The following ADCY8 variants were observed in gnomAD, a reference collection of about 807,000 sequenced individuals.
ADCY8 encodes the protein adenylate cyclase type 8.
ADCY8 carries 51 observed loss-of-function variants against 119.7 expected under a neutral mutation model. That is an observed-to-expected ratio of 0.43 (90% confidence interval 0.34 to 0.54). The LOEUF (loss-of-function observed/expected upper bound fraction) is 0.54. Ranked by LOEUF, ADCY8 falls within the 20% of genes least tolerant of loss-of-function variation. ADCY8 has a pLI of 0.03. For missense variants in ADCY8, 1,383 were observed against 1,598.8 expected, an observed-to-expected ratio of 0.87 and a Z score of 2.30; for synonymous variants, 665 against 651.0, an observed-to-expected ratio of 1.02 and a Z score of -0.33.
At chr8:130,803,649 A>G (rs1386183047) in intron 14 of ADCY8, among the ~76,000 whole-genome samples, 4 of 152,204 alleles carry the variant, frequency 2.6e-5, no homozygotes, top group Non-Finnish European at 5.9e-5. Context: ...AAGTCATATG[A>G]TAATTATTCC....
chr8:130,943,326 G>A (rs752985828), intron 4 of ADCY8, 25 bp downstream of exon 4: 23 of 1,534,734 alleles, frequency 1.5e-5, no homozygotes, highest in East Asian at 2.2e-5. Context: ...TGCAAAAGAC[G>A]AGGAGGAAAT....
intron 15 of ADCY8, among the ~76,000 whole-genome samples, chr8:130,788,664 C>T (rs922770272): frequency 4.6e-5 from 7 of 151,884 alleles, no homozygotes; most frequent in Admixed American, 3.3e-4. Flanking sequence ...GATAAATATT[C>T]GAGGTAATGA....
At chr8:130,915,015 C>A (rs1026167224) in intron 5 of ADCY8, among the ~76,000 whole-genome samples, 2 of 152,214 alleles carry the variant, frequency 1.3e-5, no homozygotes, top group African/African-American at 4.8e-5. Context: ...TGCCTTAGGA[C>A]CTCCTAGTTG....
chr8:130,844,508 C>T (rs1001122205), intron 11 of ADCY8, among the ~76,000 whole-genome samples: 5 of 152,144 alleles, frequency 3.3e-5, no homozygotes, highest in African/African-American at 1.2e-4. Flanking sequence ...GTCAGGTATA[C>T]ATTTGAAGAA....
At chr8:130,934,427 CA>C (rs1276883819) in intron 5 of ADCY8, among the ~76,000 whole-genome samples, 1 of 152,082 alleles carries the variant, frequency 6.6e-6, no homozygotes, top group Non-Finnish European at 1.5e-5. Flanking sequence ...CATGAGAACT[CA>C]CTCACTATCA....
intron 7 of ADCY8, among the ~76,000 whole-genome samples, chr8:130,900,901 G>C (rs954164975): frequency 6.6e-6 from 1 of 152,118 alleles, no homozygotes; most frequent in Non-Finnish European, 1.5e-5. Context: ...ATTTTTCCCA[G>C]ACACTTCAAG....
At chr8:130,983,179 T>C (rs925215327) in intron 2 of ADCY8, among the ~76,000 whole-genome samples, 2 of 152,162 alleles carry the variant, frequency 1.3e-5, no homozygotes, top group African/African-American at 4.8e-5. Context: ...ACCCCAAGGT[T>C]AGGAAGGGCA....
intron 9 of ADCY8, among the ~76,000 whole-genome samples, chr8:130,862,498 C>T (rs936268929): frequency 2.6e-5 from 4 of 152,062 alleles, no homozygotes; most frequent in Non-Finnish European, 5.9e-5. Context: ...CTGCAAGCTC[C>T]GCCTCCCAGG....
chr8:130,968,515 C>T (rs930758549), intron 2 of ADCY8, among the ~76,000 whole-genome samples: 1 of 152,248 alleles, frequency 6.6e-6, no homozygotes, highest in Admixed American at 6.5e-5. Context: ...CAGTTTTAAA[C>T]AATGGCAGTG....
At chr8:130,833,518 A>G (rs982611433) in intron 12 of ADCY8, among the ~76,000 whole-genome samples, 4 of 152,218 alleles carry the variant, frequency 2.6e-5, no homozygotes, top group Non-Finnish European at 5.9e-5. Context: ...ACAATGGAAT[A>G]CTATTTAGCA....
At chr8:130,816,712 A>C (rs1295554888) in intron 13 of ADCY8, among the ~76,000 whole-genome samples, 1 of 152,144 alleles carries the variant, frequency 6.6e-6, no homozygotes, top group East Asian at 1.9e-4. Context: ...GGCATGAGCC[A>C]CTGTGACTGG....
At chr8:130,913,669 AATAAAGTGTGAATGAAAAATAAAC>A (rs918421977) in intron 5 of ADCY8, among the ~76,000 whole-genome samples, 24 of 152,180 alleles carry the variant, frequency 1.6e-4, no homozygotes, top group African/African-American at 4.3e-4. Context: ...CCCCTCCTGT[AATAAAGTGTGAATGAAAAATAAAC>A]ATAAAGTGTG....
chr8:130,821,984 C>T (rs1395190489), intron 12 of ADCY8, among the ~76,000 whole-genome samples: 1 of 152,138 alleles, frequency 6.6e-6, no homozygotes, highest in Non-Finnish European at 1.5e-5. Flanking sequence ...ATAGATGATA[C>T]TAATTATTAT....
chr8:131,010,659 G>A (rs1211696197), intron 1 of ADCY8, among the ~76,000 whole-genome samples: 1 of 152,198 alleles, frequency 6.6e-6, no homozygotes, highest in Admixed American at 6.5e-5. Flanking sequence ...CTGTTCATGA[G>A]CATTTGACAT....
chr8:130,836,233 C>A (rs2130259987), intron 12 of ADCY8, 44 bp downstream of exon 12: 2 of 1,548,586 alleles, frequency 1.3e-6, no homozygotes, highest in South Asian at 1.2e-5. Flanking sequence ...CCACTTCCCA[C>A]AGGAAGTTGA....
intron 8 of ADCY8, among the ~76,000 whole-genome samples, chr8:130,873,025 C>A (rs556887854): frequency 6.6e-6 from 1 of 152,314 alleles, no homozygotes; most frequent in South Asian, 2.1e-4. Flanking sequence ...AAACCCCAGT[C>A]TGATCACATG....
At chr8:130,905,524 G>A (rs1425707707) in intron 6 of ADCY8, among the ~76,000 whole-genome samples, 2 of 152,086 alleles carry the variant, frequency 1.3e-5, no homozygotes, top group African/African-American at 4.8e-5. Context: ...ATTGGCTTTT[G>A]GAATGCTAAG....
In ADCY8 at chr8:131,025,756, G is replaced by A. The variant is rs180926322; in HGVS notation, c.960+13618C>T. ...ACACAATTTCAGGAATTATTCCTTC[G>A]CAGGGTTGCACAAGTGCAGGGTCAG... On this transcript the variant is annotated intron_variant, in intron 1 of 17. Transcript: ENST00000286355. Among the ~76,000 whole-genome samples, 40 of 152,262 alleles carry A rather than the reference G, an allele frequency of 2.6e-4. No individual in the cohort carries two copies. In the South Asian group the frequency reaches 6.6e-3, roughly 25 times the overall value.
At chr8:130,871,312 C>A (rs1248177353) in intron 8 of ADCY8, among the ~76,000 whole-genome samples, 2 of 152,166 alleles carry the variant, frequency 1.3e-5, no homozygotes, top group Non-Finnish European at 2.9e-5. Flanking sequence ...CCCACTTATC[C>A]TTTTATATCT....
Sources: gnomAD v4.1 joint callset for allele counts (sites outside exome capture counted in the v4.1 genomes callset) on GRCh38, gnomAD v4.1.1 for gene constraint, MANE v1.5 for transcripts, NCBI Gene and HGNC (gene_info 2026-07-23, HGNC 2026-07-21) for gene names.